REEP1: variants seen among roughly 807,000 people sequenced by gnomAD.
REEP1 encodes the protein receptor accessory protein 1.
REEP1 carries 22 observed loss-of-function variants against 40.3 expected under a neutral mutation model. The observed-to-expected ratio is 0.55, with a 90% CI of 0.39 to 0.78. The LOEUF is 0.78. REEP1 is among the 30% of genes least tolerant of loss of function. The pLI is 0.00. For missense variants in REEP1, 280 were observed against 361.1 expected, an observed-to-expected ratio of 0.78 and a Z score of 1.82; for synonymous variants, 116 against 139.2, an observed-to-expected ratio of 0.83 and a Z score of 1.17.
At chr2:86,234,949 A>C (rs1357304655) in intron 5 of REEP1, among the ~76,000 whole-genome samples, 1 of 152,258 alleles carries the variant, frequency 6.6e-6, no homozygotes, top group African/African-American at 2.4e-5. Flanking sequence ...TTGATGACTA[A>C]GGAACAAAAC....
At chr2:86,235,502 A>G (rs1402503247) in intron 5 of REEP1, among the ~76,000 whole-genome samples, 2 of 152,246 alleles carry the variant, frequency 1.3e-5, no homozygotes, top group African/African-American at 4.8e-5. Flanking sequence ...CCTAAGATAC[A>G]AAGGTTGCTA....
At chr2:86,288,563 G>A (rs935139088) in intron 1 of REEP1, among the ~76,000 whole-genome samples, 6 of 152,122 alleles carry the variant, frequency 3.9e-5, no homozygotes, top group African/African-American at 1.4e-4. Flanking sequence ...TTTACAAACA[G>A]GGCTGTGATG....
At chr2:86,246,010 C>G (rs927276048) in intron 5 of REEP1, among the ~76,000 whole-genome samples, 1 of 152,100 alleles carries the variant, frequency 6.6e-6, no homozygotes, top group African/African-American at 2.4e-5. Flanking sequence ...GTGATCCGCC[C>G]GCCTTGGCCT....
At chr2:86,249,195 G>C (rs370876583) in intron 5 of REEP1, among the ~76,000 whole-genome samples, 16 of 152,084 alleles carry the variant, frequency 1.1e-4, no homozygotes, top group East Asian at 9.6e-4. Context: ...GGGAGGCAGA[G>C]GTTGCAGTGA....
intron 1 of REEP1, among the ~76,000 whole-genome samples, chr2:86,326,324 T>C (rs544211489): frequency 7.9e-5 from 12 of 152,354 alleles, no homozygotes; most frequent in African/African-American, 2.9e-4. Context: ...CAATCAGTCT[T>C]GAGCAAGGAC....
At chr2:86,327,090 A>G (rs1205411586) in intron 1 of REEP1, among the ~76,000 whole-genome samples, 3 of 152,226 alleles carry the variant, frequency 2.0e-5, no homozygotes, top group Admixed American at 2.0e-4. Context: ...TCTAAGATGC[A>G]GTGTGAAAAA....
intron 1 of REEP1, among the ~76,000 whole-genome samples, chr2:86,306,305 G>T (rs1440290995): frequency 1.3e-5 from 2 of 149,838 alleles, no homozygotes; most frequent in Admixed American, 1.3e-4. Context: ...CCCAAATCAG[G>T]TCTCTCTTCT....
rs11350708 is a variant in REEP1 at position 86,215,023 on chromosome 2, C to CTTTTTTTTTTTTTTTTTTTTTTTTTT, written c.*2015_*2016insAAAAAAAAAAAAAAAAAAAAAAAAAA. On this transcript the variant is annotated 3_prime_UTR_variant, in exon 9 of 9. Coordinates refer to ENST00000538924, the MANE Select transcript of REEP1 (RefSeq NM_001371279.1). ...AAAAATTGCTAAGAAGCTGTGTAAG[C>CTTTTTTTTTTTTTTTTTTTTTTTTTT]TTTTTTTTTTTTTTTTTTTTTTTGC... is the stretch of plus-strand genomic sequence containing the variant. 1.0e-4 allele frequency: 6 copies of CTTTTTTTTTTTTTTTTTTTTTTTTTT among 59,556 alleles called. No individual in the cohort carries two copies. Among genetic ancestry groups the CTTTTTTTTTTTTTTTTTTTTTTTTTT allele is most frequent in the Non-Finnish European group, 1.7e-4 (6 of 34,806 alleles). 3.7% of individuals were successfully genotyped at this position (59,556 alleles called of 1,614,324 possible).
intron 1 of REEP1, among the ~76,000 whole-genome samples, chr2:86,326,235 C>T (rs950445143): frequency 6.6e-6 from 1 of 152,110 alleles, no homozygotes; most frequent in African/African-American, 2.4e-5. Flanking sequence ...TCTTTATATC[C>T]CTGGTGGCTG....
chr2:86,247,614 C>A (rs1353009917), intron 5 of REEP1, among the ~76,000 whole-genome samples: 5 of 152,128 alleles, frequency 3.3e-5, no homozygotes, highest in Admixed American at 6.5e-5. Context: ...GTCTCACTCA[C>A]TCTGCCGCCC....
chr2:86,317,603 T>C lies in REEP1; in HGVS notation c.32+19876A>G, dbSNP rs150698498. Among the ~76,000 whole-genome samples, 172 of 152,370 alleles carry C rather than the reference T, an allele frequency of 1.1e-3. 1 individual carries two copies. The highest frequency in any genetic ancestry group is 3.7e-3 in the African/African-American group (152 of 41,592). ...TGCCGCTAGTACTTTGCATGAATCA[T>C]GGCAGTAGCACCAAACTCCACCTGT... is the stretch of plus-strand genomic sequence containing the variant. On this transcript the variant is annotated intron_variant, in intron 1 of 8. Transcript: ENST00000538924.
At chr2:86,257,279 T>G (rs1676614269) in intron 3 of REEP1, among the ~76,000 whole-genome samples, 1 of 152,128 alleles carries the variant, frequency 6.6e-6, no homozygotes, top group Non-Finnish European at 1.5e-5. Flanking sequence ...GCACTGCAGC[T>G]CTTTTATTTA....
intron 1 of REEP1, among the ~76,000 whole-genome samples, chr2:86,299,250 G>A (rs867388795): frequency 1.3e-4 from 20 of 152,152 alleles, no homozygotes; most frequent in Admixed American, 5.2e-4. Flanking sequence ...AAAATCCTAT[G>A]CATTCTTCTA....
chr2:86,309,288 C>T (rs573605883), intron 1 of REEP1, among the ~76,000 whole-genome samples: 1 of 152,350 alleles, frequency 6.6e-6, no homozygotes, highest in African/African-American at 2.4e-5. Context: ...TTTGGTTTCA[C>T]CTCCTCACTG....
intron 5 of REEP1, among the ~76,000 whole-genome samples, chr2:86,250,154 C>G (rs1386613834): frequency 2.6e-5 from 4 of 152,314 alleles, no homozygotes; most frequent in Non-Finnish European, 4.4e-5. Context: ...GAGGCTCCAT[C>G]TTGAGGCAGA....
intron 1 of REEP1, among the ~76,000 whole-genome samples, chr2:86,294,723 TTAGA>T (rs10674625): frequency 0.029 from 4,385 of 148,968 alleles, 102 homozygotes; most frequent in African/African-American, 0.064. Flanking sequence ...GATTTATATT[TTAGA>T]TAGATAGATA....
chr2:86,221,535 A>G (rs1295115393), intron 7 of REEP1, among the ~76,000 whole-genome samples: 1 of 152,114 alleles, frequency 6.6e-6, no homozygotes, highest in African/African-American at 2.4e-5. Flanking sequence ...CCCTCGCTGA[A>G]TACTCTGACC....
Position 86,293,023 on chromosome 2 carries a change from A to G in REEP1, c.33-10781T>C, listed in dbSNP as rs942972548. ...ACAGAAGTCAGGTGAGGCAACTACT[A>G]TCCATTCCCTCTTACACAGGAGGGA... On this transcript the variant is annotated intron_variant, in intron 1 of 8. Transcript: ENST00000538924. 2.0e-5 allele frequency among the ~76,000 whole-genome samples: 3 copies of G among 152,320 alleles called. No individual in the cohort carries two copies. In the East Asian group the frequency reaches 5.8e-4, roughly 29 times the overall value.
rs1321719846 is a variant in REEP1 at position 86,282,191 on chromosome 2, T to C, written c.84A>G (p.Lys28=). 1 of 1,611,088 alleles carries C rather than the reference T, an allele frequency of 6.2e-7. No individual in the cohort carries two copies. The highest frequency in any genetic ancestry group is 2.2e-5 in the East Asian group (1 of 44,852). ...YPAYYSYKAV[K]SKDIKEYVKW... is the part of the protein sequence containing the mutation. ...TTACATATTCCTTAATGTCCTTTGA[T>C]TTCACAGCCTTGTAGGAATAATACG... The change falls in exon 2 of 9, where the codon AAA becomes AAG. Residue 28 remains lysine (K), a synonymous_variant. Transcript: ENST00000538924.
Sources: gnomAD v4.1 joint callset for allele counts (sites outside exome capture counted in the v4.1 genomes callset) on GRCh38, gnomAD v4.1.1 for gene constraint, MANE v1.5 for transcripts, NCBI Gene and HGNC (gene_info 2026-07-23, HGNC 2026-07-21) for gene names.